ZC2HC1A: variants seen among roughly 807,000 people sequenced by gnomAD.
ZC2HC1A encodes zinc finger C2HC-type containing 1A.
A neutral mutation model predicts 40.7 loss-of-function variants in ZC2HC1A; 28 were observed. The ratio of observed to expected loss-of-function variants is 0.69; its 90% CI spans 0.51 to 0.94. The LOEUF (loss-of-function observed/expected upper bound fraction) is 0.94. ZC2HC1A is among the 40% of genes least tolerant of loss of function. The probability of loss-of-function intolerance (pLI) is 0.00; values close to 1 mark genes in which losing one functional copy is unlikely to be tolerated. For synonymous variants in ZC2HC1A, 129 were observed against 129.2 expected (o/e 1.00, Z 0.01); for missense variants, 389 against 386.3 (o/e 1.01, Z -0.06).
intron 4 of ZC2HC1A, among the ~76,000 whole-genome samples, chr8:78,687,450 A>ATTATG (rs1284374343): frequency 1.4e-5 from 2 of 146,550 alleles, no homozygotes; most frequent in African/African-American, 5.0e-5. Context: ...GCCATAGACT[A>ATTATG]TATATACATA....
chr8:78,705,306 G>C (rs919318629), intron 7 of ZC2HC1A, among the ~76,000 whole-genome samples: 2 of 152,038 alleles, frequency 1.3e-5, no homozygotes, highest in Non-Finnish European at 2.9e-5. Context: ...TTGTTTTTTT[G>C]AACAACTCTG....
chr8:78,697,500 GT>G lies in ZC2HC1A; in HGVS notation c.600del (p.Val201Ter). ...LPQPSGAGKT[V>X]VGVPSGKVSS... ...GCAGCCAAGTGGCGCTGGCAAAACT[GT>G]TGTAGGTAATGATAGCCGAAAAGCA... is the stretch of plus-strand genomic sequence containing the variant. On this transcript the variant is annotated frameshift_variant, in exon 6 of 9. Transcript: ENST00000263849. LOFTEE classifies it high-confidence loss of function. 1 of 1,605,608 alleles carries G rather than the reference GT, an allele frequency of 6.2e-7. No homozygotes were observed. The highest frequency in any genetic ancestry group is 1.7e-4 in the Middle Eastern group (1 of 6,042).
In ZC2HC1A at chr8:78,715,724, A is replaced by G. The variant is rs554505387; in HGVS notation, c.812+396A>G. Among the ~76,000 whole-genome samples, 352 of 152,238 alleles carry G rather than the reference A, an allele frequency of 2.3e-3. 1 individual carries two copies. Among genetic ancestry groups the G allele is most frequent in the African/African-American group, 8.0e-3 (332 of 41,568 alleles). On this transcript the variant is annotated intron_variant, in intron 8 of 8. Coordinates refer to ENST00000263849, the MANE Select transcript of ZC2HC1A (RefSeq NM_016010.3). ...AAGGGAAGCCTGCAGATGTCATTGA[A>G]CTGCTGCAGTCTCACGATAAAACTG... is the stretch of plus-strand genomic sequence containing the variant.
Position 78,717,440 on chromosome 8 carries a change from G to T in ZC2HC1A, c.925G>T (p.Val309Leu). Residue 309 changes from valine (V) to leucine (L), a missense_variant, in exon 9 of 9, where the codon GTA (valine) becomes TTA (leucine). Physicochemically the swap from Val to Leu is conservative, Grantham distance 32. Transcript: ENST00000263849. ...FCHECGTKYP[V>L]EWAKFCCECG... The stretch of plus-strand genomic sequence containing the variant: ...CCATGAGTGTGGGACTAAATACCCT[G>T]TAGAATGGGCCAAATTTTGCTGTGA... 6.2e-7 allele frequency: 1 copy of T among 1,608,166 alleles called. No individual in the cohort carries two copies. Among genetic ancestry groups the T allele is most frequent in the Non-Finnish European group, 8.5e-7 (1 of 1,178,238 alleles).
At chr8:78,670,543 T>C (rs906477033) in intron 1 of ZC2HC1A, among the ~76,000 whole-genome samples, 3 of 152,168 alleles carry the variant, frequency 2.0e-5, no homozygotes, top group Non-Finnish European at 4.4e-5. Context: ...TAATGTACCA[T>C]TTTCCAAACA....
intron 4 of ZC2HC1A, among the ~76,000 whole-genome samples, chr8:78,688,808 T>C (rs1184011403): frequency 6.6e-6 from 1 of 152,154 alleles, no homozygotes; most frequent in Admixed American, 6.5e-5. Context: ...AAAATTTTAA[T>C]AGATGAGCCT....
rs139174162 is a variant in ZC2HC1A, at chr8:78,700,252, G to A, written c.704+1739G>A. Among the ~76,000 whole-genome samples the A allele has an allele frequency of 2.6e-4, 40 of 152,126 alleles. No individual in the cohort carries two copies. The East Asian group carries it at 4.8e-3, about 18-fold the overall frequency. On this transcript the variant is annotated intron_variant, in intron 7 of 8. Coordinates refer to ENST00000263849, the MANE Select transcript of ZC2HC1A (RefSeq NM_016010.3). ...GCTTTTTTTCATATGACAGTTGACC[G>A]CATGTATGTCTTCTTTTGAAAAGTG... is the stretch of plus-strand genomic sequence containing the variant.
rs1481357056 is a variant in ZC2HC1A at position 78,718,333 on chromosome 8, T to G, written c.*840T>G. 6.6e-6 allele frequency: 1 copy of G among 151,992 alleles called. No homozygotes were observed. Among genetic ancestry groups the G allele is most frequent in the African/African-American group, 2.4e-5 (1 of 41,446 alleles). The allele number at this position is 151,992 out of a possible 1,614,324, so 9.4% of individuals were successfully genotyped here. ...TATTTGAAAATGTAATTATTTAATA[T>G]AGAAGGCACAGAATTCCCTGCAAAA... On this transcript the variant is annotated 3_prime_UTR_variant, in exon 9 of 9. Coordinates refer to ENST00000263849, the MANE Select transcript of ZC2HC1A (RefSeq NM_016010.3).
chr8:78,696,426 G>A (rs547316117), intron 5 of ZC2HC1A, among the ~76,000 whole-genome samples: 4 of 152,172 alleles, frequency 2.6e-5, no homozygotes, highest in Non-Finnish European at 5.9e-5. Context: ...TATGGTTGAA[G>A]CATTGGGCTA....
At chr8:78,678,381 A>G (rs1228212910) in intron 2 of ZC2HC1A, among the ~76,000 whole-genome samples, 182 bp from the exon 3 acceptor site, 3 of 152,178 alleles carry the variant, frequency 2.0e-5, no homozygotes, top group Non-Finnish European at 4.4e-5. Context: ...AGCGTGCATT[A>G]TATATACGTT....
chr8:78,702,280 G>A (rs78531484), intron 7 of ZC2HC1A, among the ~76,000 whole-genome samples: 1 of 152,050 alleles, frequency 6.6e-6, no homozygotes, highest in Non-Finnish European at 1.5e-5. Context: ...AATATTCTGT[G>A]ATGACTTGTA....
rs1024344667 is a variant in ZC2HC1A at position 78,697,408 on chromosome 8, A to G, written c.506A>G (p.Tyr169Cys). The change falls in exon 6 of 9, where the codon TAT becomes TGT. Residue 169 changes from tyrosine to cysteine, a missense_variant and splice_region_variant. Physicochemically the swap from Tyr to Cys is radical, Grantham distance 194. Transcript: ENST00000263849. The part of the protein sequence containing the change: ...KGKPTSRTQV[Y>C]KPPALKKSNS... ...AATATTTTTTTTCCATTATTTTAGT[A>G]TAAGCCACCCGCACTTAAAAAGTCA... is the stretch of plus-strand genomic sequence containing the variant. 5.0e-6 allele frequency: 8 copies of G among 1,592,144 alleles called. No individual in the cohort carries two copies. The highest frequency in any genetic ancestry group is 4.6e-5 in the East Asian group (2 of 43,946).
chr8:78,685,652 T>C (rs1333090250), intron 3 of ZC2HC1A, among the ~76,000 whole-genome samples: 1 of 152,226 alleles, frequency 6.6e-6, no homozygotes, highest in Non-Finnish European at 1.5e-5. Flanking sequence ...AAATGATTCT[T>C]AGTAATTTAA....
chr8:78,709,742 T>C (rs1810896523), intron 7 of ZC2HC1A, among the ~76,000 whole-genome samples: 1 of 151,444 alleles, frequency 6.6e-6, no homozygotes, highest in African/African-American at 2.4e-5. Context: ...AAAAATTTCA[T>C]AATGTTTTAA....
At chr8:78,678,122 A>C (rs1286566357) in intron 2 of ZC2HC1A, among the ~76,000 whole-genome samples, 2 of 151,984 alleles carry the variant, frequency 1.3e-5, no homozygotes, top group Non-Finnish European at 2.9e-5. Context: ...TTTTATTAGA[A>C]AGGTCTTTAT....
At chr8:78,680,169 A>G (rs1287971812) in intron 3 of ZC2HC1A, among the ~76,000 whole-genome samples, 1 of 151,992 alleles carries the variant, frequency 6.6e-6, no homozygotes, top group African/African-American at 2.4e-5. Flanking sequence ...TTCAATGAAT[A>G]TTAGTCATCC....
At position 78,697,513 on chromosome 8, in the gene ZC2HC1A, A is replaced by G. The variant is rs1055587327; in HGVS notation, c.604+7A>G. 6.2e-7 allele frequency: 1 copy of G among 1,600,690 alleles called. No homozygotes were observed. Among genetic ancestry groups the G allele is most frequent in the African/African-American group, 1.3e-5 (1 of 74,156 alleles). On this transcript the variant is annotated splice_region_variant and intron_variant, in intron 6 of 8. Coordinates refer to ENST00000263849, the MANE Select transcript of ZC2HC1A (RefSeq NM_016010.3). The stretch of plus-strand genomic sequence containing the variant: ...GCTGGCAAAACTGTTGTAGGTAATG[A>G]TAGCCGAAAAGCAACTTGATTTGTT...
chr8:78,694,269 G>C (rs1404868337), intron 5 of ZC2HC1A, among the ~76,000 whole-genome samples: 2 of 141,442 alleles, frequency 1.4e-5, no homozygotes, highest in Non-Finnish European at 3.0e-5. Context: ...CAAGTGACTT[G>C]TATGGATATG....
chr8:78,702,296 A>G (rs1049754006), intron 7 of ZC2HC1A, among the ~76,000 whole-genome samples: 3 of 152,018 alleles, frequency 2.0e-5, no homozygotes, highest in Admixed American at 2.0e-4. Flanking sequence ...TTGTATTTCT[A>G]TGGGGTCAAG....
Sources: allele counts gnomAD v4.1 joint callset (sites outside exome capture counted in the v4.1 genomes callset), GRCh38; gene constraint gnomAD v4.1.1; transcripts MANE v1.5; gene names NCBI Gene and HGNC (gene_info 2026-07-23, HGNC 2026-07-21).